MYO15B: variants seen among roughly 807,000 people sequenced by gnomAD.
MYO15B encodes myosin XVB.
MYO15B carries 207 observed loss-of-function variants against 119.3 expected under a neutral mutation model. The observed-to-expected ratio is 1.73, with a 90% CI of 1.55 to 1.95. MYO15B has a LOEUF of 1.95. Ranked by LOEUF, MYO15B falls within the 30% of genes most tolerant of loss-of-function variation. The pLI, the probability that MYO15B is intolerant of heterozygous loss-of-function variation, is 0.00. For synonymous variants in MYO15B, 966 were observed against 498.9 expected, an observed-to-expected ratio of 1.94 and a Z score of -12.48; for missense variants, 2,264 against 1,203.1, an observed-to-expected ratio of 1.88 and a Z score of -13.04.
At chr17:75,619,178 G>A in exon 44 of MYO15B, 1 of 702,876 alleles carries the variant, frequency 1.4e-6, no homozygotes, top group Non-Finnish European at 2.6e-6. Flanking sequence ...CCTGTATCCG[G>A]ATTTCCCAGA....
At chr17:75,600,183 T>C (rs7217571) in intron 14 of MYO15B, among the ~76,000 whole-genome samples, 115,767 of 151,058 alleles carry the variant, frequency 0.77, 44,453 homozygotes, top group Admixed American at 0.82. Context: ...CCCGCCACCA[T>C]GCCCGGCTAA....
At chr17:75,617,301 C>T (rs917980265) in exon 41 of MYO15B, 26 of 633,708 alleles carry the variant, frequency 4.1e-5, no homozygotes, top group South Asian at 3.8e-4. Context: ...AGCAGAGCGT[C>T]GTTGTAAGGA....
chr17:75,594,089 C>CAA (rs5822095), intron 9 of MYO15B, among the ~76,000 whole-genome samples: 2,197 of 106,956 alleles, frequency 0.021, 42 homozygotes, highest in Non-Finnish European at 0.031. Flanking sequence ...GACCCTGTCT[C>CAA]AAAAAAAAAA....
At chr17:75,601,953 A>G (rs1231601056) in intron 15 of MYO15B, among the ~76,000 whole-genome samples, 2 of 152,194 alleles carry the variant, frequency 1.3e-5, no homozygotes, top group African/African-American at 2.4e-5. Context: ...TGCCTGGCAC[A>G]TAGTAGGTGC....
At chr17:75,601,459 C>A (rs1018144697) in exon 15 of MYO15B, 4 of 702,966 alleles carry the variant, frequency 5.7e-6, no homozygotes, top group Non-Finnish European at 1.0e-5. Flanking sequence ...CACCTTCCTC[C>A]AGAAGAGCCA....
At chr17:75,598,784 CATA>C (rs1169755357) in intron 14 of MYO15B, among the ~76,000 whole-genome samples, 1 of 152,054 alleles carries the variant, frequency 6.6e-6, no homozygotes, top group African/African-American at 2.4e-5. Flanking sequence ...GTTCACATTT[CATA>C]ATGTTTTGTT....
chr17:75,616,073 C>A (rs1164063750), exon 37 of MYO15B: 21 of 578,218 alleles, frequency 3.6e-5, no homozygotes, highest in Non-Finnish European at 3.1e-6. Flanking sequence ...TGCCAGGAGA[C>A]CTCCGAGGAG....
At chr17:75,610,550 C>T (rs1426132633) in intron 22 of MYO15B, 1 of 497,162 alleles carries the variant, frequency 2.0e-6, no homozygotes, top group Non-Finnish European at 3.6e-6. Flanking sequence ...CCGCTCCCCT[C>T]TTTTGCATGA....
In MYO15B at chr17:75,621,260, GCT is replaced by G. The variant is rs1598916485; in HGVS notation, c.7872-82_7872-81del. ...ACCCTGCTCAGAGCCACTGGGCTGT[GCT>G]CTTAGCACTCTCCCTGCCTGGCTGG... On this transcript the variant is annotated intron_variant, in intron 50 of 63. Coordinates refer to ENST00000645453, the Ensembl canonical transcript of MYO15B. 9.1e-6 allele frequency: 6 copies of G among 662,128 alleles called. No individual in the cohort carries two copies. The East Asian group carries it at 1.6e-4, about 18-fold the overall frequency. The allele number at this position is 662,128 out of a possible 1,614,324, so 41.0% of individuals were successfully genotyped here.
exon 56 of MYO15B, chr17:75,624,256 TGAA>T (rs1568234080): frequency 4.3e-6 from 3 of 702,852 alleles, no homozygotes; most frequent in Non-Finnish European, 5.2e-6. Flanking sequence ...CCGGGTGAAA[TGAA>T]GGCTTTCCTG....
intron 1 of MYO15B, 80 bp from the exon 2 acceptor site, chr17:75,590,546 T>TC (rs2056371465): frequency 3.1e-6 from 1 of 326,482 alleles, no homozygotes; most frequent in Non-Finnish European, 5.5e-6. Context: ...CTTGCCAGGG[T>TC]CCCTGCAGTG....
At chr17:75,616,467 G>T (rs1310831369) in intron 38 of MYO15B, 21 bp downstream of exon 38, 4 of 666,654 alleles carry the variant, frequency 6.0e-6, no homozygotes, top group Middle Eastern at 2.4e-4. Flanking sequence ...GCTGGGCAGG[G>T]CCTGGGGCTC....
In MYO15B at chr17:75,601,568, C is replaced by T. The variant is rs991190668; in HGVS notation, c.3651+5C>T. The T allele has an allele frequency of 2.8e-6, 2 of 703,014 alleles. No individual in the cohort carries two copies. Among genetic ancestry groups the T allele is most frequent in the Non-Finnish European group, 2.6e-6 (1 of 384,950 alleles). The allele number at this position is 703,014 out of a possible 1,614,324, so 43.5% of individuals were successfully genotyped here. A position where few individuals can be genotyped will look rare whatever the true frequency, so the allele number is the denominator to read the frequency against. On this transcript the variant is annotated splice_donor_5th_base_variant and intron_variant, in intron 15 of 63. Transcript: ENST00000645453. ...GCAGGGACTGTCACCTACCAGGTAC[C>T]TGGCCTCAGGGACAGACCAGGGTGA...
At chr17:75,592,025 A>G (rs1290028372) in exon 6 of MYO15B, 1 of 702,644 alleles carries the variant, frequency 1.4e-6, no homozygotes, top group Non-Finnish European at 2.6e-6. Context: ...TGCCAAGACC[A>G]TCCTCAATGC....
intron 5 of MYO15B, 23 bp downstream of exon 5, chr17:75,591,735 C>T (rs1291600173): frequency 8.5e-6 from 6 of 702,762 alleles, no homozygotes; most frequent in Admixed American, 6.0e-5. Flanking sequence ...CTGGAGGTAC[C>T]TCATGGGTTG....
intron 19 of MYO15B, among the ~76,000 whole-genome samples, chr17:75,605,207 G>A (rs2057552609): frequency 6.6e-6 from 1 of 152,010 alleles, no homozygotes; most frequent in African/African-American, 2.4e-5. Context: ...GGAGGCCGAG[G>A]CGGGCAGATC....
intron 33 of MYO15B, 44 bp from the exon 34 acceptor site, chr17:75,615,196 T>C (rs1439524719): frequency 2.9e-6 from 2 of 691,526 alleles, no homozygotes; most frequent in East Asian, 5.4e-5. Flanking sequence ...GGAGGTGGCA[T>C]GTGGGCCCAG....
exon 27 of MYO15B, chr17:75,613,039 G>A (rs753389257): frequency 5.1e-5 from 36 of 700,384 alleles, no homozygotes; most frequent in South Asian, 4.3e-4. Flanking sequence ...GCGCATACCT[G>A]GTGCGGCAGG....
exon 1 of MYO15B, chr17:75,588,390 G>A (rs2056196616): frequency 2.5e-6 from 1 of 398,638 alleles, no homozygotes; most frequent in African/African-American, 2.1e-5. Flanking sequence ...GGCGCCTGGA[G>A]GAGGGAAGCC....
Sources: allele counts gnomAD v4.1 joint callset (sites outside exome capture counted in the v4.1 genomes callset), GRCh38; gene constraint gnomAD v4.1.1; transcripts MANE v1.5; gene names NCBI Gene and HGNC (gene_info 2026-07-23, HGNC 2026-07-21).